RNF214: variants seen among roughly 807,000 people sequenced by gnomAD.
RNF214 encodes ring finger protein 214.
Under a neutral mutation model 75.9 loss-of-function variants are expected in RNF214, and 25 were observed. The observed-to-expected ratio is 0.33, with a 90% CI of 0.24 to 0.46. The LOEUF is 0.46. RNF214 is among the 20% of genes least tolerant of loss of function. The pLI, the probability that RNF214 is intolerant of heterozygous loss-of-function variation, is 1.00. For synonymous variants in RNF214, 314 were observed against 308.8 expected, an observed-to-expected ratio of 1.02 and a Z score of -0.18; for missense variants, 725 against 857.5, an observed-to-expected ratio of 0.85 and a Z score of 1.93.
In RNF214 at chr11:117,244,533, T is replaced by G. The variant is rs1167479388; in HGVS notation, c.767T>G (p.Val256Gly). Reference sequence around the variant, plus strand: ...AGGCAAGTGGAGAATCAGCTCCAAGTGCAATTAAAGCAGCTTCAGCAAAGG... The same window carrying G: ...AGGCAAGTGGAGAATCAGCTCCAAGGGCAATTAAAGCAGCTTCAGCAAAGG... ...KQRQVENQLQ[V>G]QLKQLQQRRE... The change falls in exon 5 of 15, where the codon GTG (valine) becomes GGG (glycine). Residue 256 changes from valine to glycine, a missense_variant. By Grantham distance (109) the Val-to-Gly change is moderately radical. Around this residue, in one of 2 missense-constraint regions of RNF214, gnomAD observed 362 missense variants for 344.5 expected, o/e 1.05. Transcript: ENST00000300650. 2 of 1,612,784 alleles carry G rather than the reference T, an allele frequency of 1.2e-6. No individual in the cohort carries two copies. The highest frequency in any genetic ancestry group is 2.2e-5 in the East Asian group (1 of 44,816).
At chr11:117,283,256 C>T in intron 14 of RNF214, 46 bp downstream of exon 14, 1 of 1,266,578 alleles carries the variant, frequency 7.9e-7, no homozygotes. Flanking sequence ...TTTCTTCTGA[C>T]AGCTAAAATA....
At chr11:117,254,116 G>A (rs2033464685) in intron 6 of RNF214, among the ~76,000 whole-genome samples, 1 of 152,140 alleles carries the variant, frequency 6.6e-6, no homozygotes, top group African/African-American at 2.4e-5. Context: ...AGGTGTGGTA[G>A]TGGCCGCCTG....
chr11:117,283,290 CT>C (rs978188444), intron 14 of RNF214, 80 bp downstream of exon 14: 20 of 927,300 alleles, frequency 2.2e-5, no homozygotes, highest in Admixed American at 6.4e-5. Context: ...ATTTTCTACT[CT>C]TTTTTTTCCC....
chr11:117,261,187 C>T (rs1483779604), intron 6 of RNF214, among the ~76,000 whole-genome samples: 3 of 152,058 alleles, frequency 2.0e-5, no homozygotes, highest in African/African-American at 7.2e-5. Flanking sequence ...TTTGTGTATG[C>T]CTTTTGTCAA....
intron 2 of RNF214, among the ~76,000 whole-genome samples, chr11:117,235,144 G>A (rs2032866919): frequency 6.6e-6 from 1 of 152,338 alleles, no homozygotes; most frequent in South Asian, 2.1e-4. Context: ...GTTCAGTACA[G>A]ATGCAACCAT....
intron 6 of RNF214, among the ~76,000 whole-genome samples, chr11:117,273,184 G>A (rs1405185481): frequency 6.6e-6 from 1 of 152,058 alleles, no homozygotes; most frequent in Non-Finnish European, 1.5e-5. Flanking sequence ...AAAATCTGAT[G>A]ATATGCAGAT....
At chr11:117,250,597 ATT>A (rs2033345734) in intron 6 of RNF214, among the ~76,000 whole-genome samples, 1 of 59,216 alleles carries the variant, frequency 1.7e-5, no homozygotes, top group Non-Finnish European at 2.6e-5. Flanking sequence ...ATTTTTATTT[ATT>A]TATTTATTTA....
chr11:117,270,241 CTTTTTTTTTTT>C (rs57144374), intron 6 of RNF214, among the ~76,000 whole-genome samples: 1 of 75,852 alleles, frequency 1.3e-5, no homozygotes, highest in South Asian at 3.9e-4. Context: ...CTTTTCTTTT[CTTTTTTTTTTT>C]TTTTTTTTTT....
intron 6 of RNF214, among the ~76,000 whole-genome samples, chr11:117,249,876 A>G (rs1339922600): frequency 6.6e-6 from 1 of 152,226 alleles, no homozygotes; most frequent in Non-Finnish European, 1.5e-5. Flanking sequence ...CCCTGTATCC[A>G]AATACAATTA....
At chr11:117,277,379 G>A (rs2034034210) in intron 6 of RNF214, among the ~76,000 whole-genome samples, 1 of 152,016 alleles carries the variant, frequency 6.6e-6, no homozygotes, top group Non-Finnish European at 1.5e-5. Context: ...GTTAATTTGG[G>A]GAAGCAATAC....
intron 3 of RNF214, 71 bp downstream of exon 3, chr11:117,239,182 T>C: frequency 6.9e-7 from 1 of 1,451,454 alleles, no homozygotes; most frequent in South Asian, 1.4e-5. Context: ...AGATATTTCT[T>C]CATATTTGGT....
chr11:117,247,546 C>T (rs2033258002), intron 6 of RNF214, among the ~76,000 whole-genome samples: 1 of 151,296 alleles, frequency 6.6e-6, no homozygotes, highest in Non-Finnish European at 1.5e-5. Context: ...ACTTTATAAC[C>T]TGATATTTAC....
chr11:117,248,932 C>CT (rs1288874973), intron 6 of RNF214, among the ~76,000 whole-genome samples: 64 of 146,960 alleles, frequency 4.4e-4, no homozygotes, highest in Admixed American at 8.2e-4. Context: ...TCTTTACATT[C>CT]TTTTTTTTTT....
chr11:117,240,385 A>T (rs754075538), intron 4 of RNF214, among the ~76,000 whole-genome samples: 13,686 of 115,630 alleles, frequency 0.12, 513 homozygotes, highest in Non-Finnish European at 0.15. Context: ...AAAAAAAATT[A>T]AAAAAAAAAA....
chr11:117,245,489 G>A lies in RNF214; in HGVS notation c.819+904G>A, dbSNP rs187424252. On this transcript the variant is annotated intron_variant, in intron 5 of 14. Transcript: ENST00000300650. The stretch of plus-strand genomic sequence containing the variant: ...CAAGTAGCTGGGACTACAGGCGCCC[G>A]CCACTACGCCCGGCTAATTTTTTGT... Among the ~76,000 whole-genome samples the A allele has an allele frequency of 6.6e-3, 999 of 151,418 alleles. 14 individuals carry two copies. The highest frequency in any genetic ancestry group is 0.023 in the African/African-American group (964 of 41,352).
At chr11:117,237,208 T>G (rs1026432334) in intron 2 of RNF214, among the ~76,000 whole-genome samples, 23 of 152,180 alleles carry the variant, frequency 1.5e-4, no homozygotes, top group African/African-American at 5.3e-4. Flanking sequence ...GCCTCCCAAG[T>G]AACTGAAGCT....
chr11:117,284,864 A>G (rs1219034956), intron 14 of RNF214, among the ~76,000 whole-genome samples: 1 of 152,178 alleles, frequency 6.6e-6, no homozygotes. Context: ...CAGGAAGCAG[A>G]GGTTCCAGTG....
At chr11:117,276,331 C>T (rs1428807285) in intron 6 of RNF214, among the ~76,000 whole-genome samples, 4 of 152,152 alleles carry the variant, frequency 2.6e-5, no homozygotes, top group Admixed American at 6.5e-5. Flanking sequence ...GGAACAAGGC[C>T]GGGCACAGTG....
intron 6 of RNF214, among the ~76,000 whole-genome samples, chr11:117,265,573 C>G (rs1015668101): frequency 2.0e-5 from 3 of 152,120 alleles, no homozygotes; most frequent in Admixed American, 1.3e-4. Flanking sequence ...ACTACTATGC[C>G]CAGCTGATTT....
Sources: allele counts gnomAD v4.1 joint callset (sites outside exome capture counted in the v4.1 genomes callset), GRCh38; gene constraint gnomAD v4.1.1; regional missense constraint gnomAD v4.1.1; transcripts MANE v1.5; gene names NCBI Gene and HGNC (gene_info 2026-07-23, HGNC 2026-07-21).